KHDRBS2: variants seen among roughly 807,000 people sequenced by gnomAD.
KHDRBS2 encodes the protein KH RNA binding domain containing, signal transduction associated 2.
Under a neutral mutation model 44.3 loss-of-function variants are expected in KHDRBS2, and 26 were observed. The ratio of observed to expected loss-of-function variants is 0.59; its 90% confidence interval spans 0.43 to 0.81. The LOEUF is 0.81. KHDRBS2 is among the 40% of genes least tolerant of loss of function. The pLI, the probability that KHDRBS2 is intolerant of heterozygous loss-of-function variation, is 0.00. For synonymous variants in KHDRBS2, 194 were observed against 151.1 expected, an observed-to-expected ratio of 1.28 and a Z score of -2.08; for missense variants, 476 against 433.1, an observed-to-expected ratio of 1.10 and a Z score of -0.88.
At chr6:62,125,182 G>A (rs1280866225) in intron 2 of KHDRBS2, among the ~76,000 whole-genome samples, 2 of 152,204 alleles carry the variant, frequency 1.3e-5, no homozygotes, top group East Asian at 1.9e-4. Flanking sequence ...CAGTAGCTGT[G>A]TGGCAGGGAA....
At chr6:62,172,957 T>C (rs1820360969) in intron 2 of KHDRBS2, among the ~76,000 whole-genome samples, 1 of 151,936 alleles carries the variant, frequency 6.6e-6, no homozygotes, top group East Asian at 1.9e-4. Context: ...AGAAAGTTTA[T>C]AGTGCAAAAT....
intron 6 of KHDRBS2, among the ~76,000 whole-genome samples, chr6:61,832,697 C>G (rs987517722): frequency 8.6e-4 from 131 of 152,210 alleles, no homozygotes; most frequent in African/African-American, 3.0e-3. Context: ...TACCAAACTC[C>G]TTAAGAACAG....
chr6:62,240,668 GTGTGTATA>G (rs1486400475), intron 1 of KHDRBS2, among the ~76,000 whole-genome samples: 1 of 66,354 alleles, frequency 1.5e-5, no homozygotes, highest in Admixed American at 1.9e-4. Flanking sequence ...ATGTATGTGT[GTGTGTATA>G]TATATATATA....
chr6:62,219,207 T>C (rs1325613565), intron 1 of KHDRBS2, among the ~76,000 whole-genome samples: 4 of 147,140 alleles, frequency 2.7e-5, no homozygotes, highest in African/African-American at 7.3e-5. Context: ...CACAGCTAAC[T>C]TGAGAATTAA....
At chr6:61,992,229 C>T (rs1459019304) in intron 3 of KHDRBS2, among the ~76,000 whole-genome samples, 1 of 152,140 alleles carries the variant, frequency 6.6e-6, no homozygotes, top group Non-Finnish European at 1.5e-5. Flanking sequence ...ACAATTTTAT[C>T]CTGGCATTTC....
chr6:61,872,403 C>A (rs1798786469), intron 6 of KHDRBS2, among the ~76,000 whole-genome samples: 1 of 151,840 alleles, frequency 6.6e-6, no homozygotes, highest in Middle Eastern at 3.2e-3. Flanking sequence ...AATATAAACA[C>A]ATAAGAAAAA....
chr6:61,635,480 G>A, the KHDRBS2 span, among the ~76,000 whole-genome samples: 2 of 151,962 alleles, frequency 1.3e-5, no homozygotes, highest in African/African-American at 2.4e-5. Flanking sequence ...CTGACCAAGT[G>A]TAAATTTACT....
chr6:61,767,771 G>A (rs1780221785), intron 6 of KHDRBS2, among the ~76,000 whole-genome samples: 1 of 152,014 alleles, frequency 6.6e-6, no homozygotes, highest in Non-Finnish European at 1.5e-5. Flanking sequence ...TAACTCTACA[G>A]TTTAATTTTA....
At chr6:61,982,719 C>CAGAACTAT (rs1774118042) in intron 3 of KHDRBS2, among the ~76,000 whole-genome samples, 1 of 150,076 alleles carries the variant, frequency 6.7e-6, no homozygotes, top group African/African-American at 2.4e-5. Flanking sequence ...TAAAGATTTT[C>CAGAACTAT]AGAACTATAG....
intron 6 of KHDRBS2, among the ~76,000 whole-genome samples, chr6:61,795,192 C>G (rs1052505683): frequency 7.1e-6 from 1 of 140,186 alleles, no homozygotes; most frequent in Non-Finnish European, 1.5e-5. Flanking sequence ...TTTAGTTTTT[C>G]TACACTACTT....
At chr6:61,933,671 G>A (rs1046664590) in intron 4 of KHDRBS2, among the ~76,000 whole-genome samples, 1 of 152,096 alleles carries the variant, frequency 6.6e-6, no homozygotes, top group Non-Finnish European at 1.5e-5. Flanking sequence ...AAAACGGTAG[G>A]CAACTGCAAC....
chr6:62,184,107 C>A (rs1402764552), intron 1 of KHDRBS2, among the ~76,000 whole-genome samples: 3 of 151,618 alleles, frequency 2.0e-5, no homozygotes, highest in African/African-American at 2.4e-5. Flanking sequence ...TAGAATAATG[C>A]AACACAGAAG....
Position 62,157,497 on chromosome 6 carries a change from T to G in KHDRBS2, c.219+19688A>C, listed in dbSNP as rs552660008. Among the ~76,000 whole-genome samples the G allele has an allele frequency of 1.6e-4, 25 of 152,274 alleles. 1 individual carries two copies. The highest frequency in any genetic ancestry group is 1.5e-3 in the Admixed American group (23 of 15,298). ...GTGGAATTAAAATTAAACCAGTTTT[T>G]GGGGTAATAAGCAACAGCATCAATT... On this transcript the variant is annotated intron_variant, in intron 2 of 8. Transcript: ENST00000281156.
chr6:61,970,790 C>A (rs761223031), intron 4 of KHDRBS2, among the ~76,000 whole-genome samples: 20 of 152,124 alleles, frequency 1.3e-4, no homozygotes, highest in Non-Finnish European at 2.5e-4. Flanking sequence ...TCTTCATGAC[C>A]TTTTCACAAA....
intron 1 of KHDRBS2, among the ~76,000 whole-genome samples, chr6:62,277,704 G>A (rs779454975): frequency 6.6e-6 from 1 of 152,170 alleles, no homozygotes; most frequent in Non-Finnish European, 1.5e-5. Context: ...AAATGCAGTA[G>A]AGTACTAGTC....
chr6:61,656,959 A>G, the KHDRBS2 span, among the ~76,000 whole-genome samples: 1 of 152,086 alleles, frequency 6.6e-6, no homozygotes, highest in East Asian at 1.9e-4. Flanking sequence ...TTTATTTTGG[A>G]TTTGTTTTCT....
intron 6 of KHDRBS2, among the ~76,000 whole-genome samples, chr6:61,833,667 A>C (rs78215307): frequency 0.067 from 10,174 of 152,126 alleles, 408 homozygotes; most frequent in Middle Eastern, 0.13. Flanking sequence ...GGCTTTAATG[A>C]CTTGAAAAGC....
chr6:61,662,338 G>C, the KHDRBS2 span, among the ~76,000 whole-genome samples: 1 of 151,864 alleles, frequency 6.6e-6, no homozygotes, highest in Non-Finnish European at 1.5e-5. Context: ...ATAGGCATGG[G>C]CAAGGACTTC....
intron 6 of KHDRBS2, among the ~76,000 whole-genome samples, chr6:61,801,724 T>C (rs1786316839): frequency 6.6e-6 from 1 of 152,190 alleles, no homozygotes; most frequent in Non-Finnish European, 1.5e-5. Flanking sequence ...AATGGCTTTA[T>C]AGCCTTATGG....
Sources: allele counts gnomAD v4.1 joint callset (sites outside exome capture counted in the v4.1 genomes callset), GRCh38; gene constraint gnomAD v4.1.1; transcripts MANE v1.5; gene names NCBI Gene and HGNC (gene_info 2026-07-23, HGNC 2026-07-21).